The following RIC1 variants were observed in gnomAD, a reference collection of about 807,000 sequenced individuals.
RIC1 encodes the protein guanine nucleotide exchange factor subunit RIC1.
RIC1 carries 88 observed loss-of-function variants against 169.0 expected under a neutral mutation model. The ratio of observed to expected loss-of-function variants is 0.52; its 90% CI spans 0.44 to 0.62. The LOEUF (loss-of-function observed/expected upper bound fraction) is 0.62, where lower values mean the gene tolerates loss of function less well. Ranked by LOEUF, RIC1 falls within the 20% of genes least tolerant of loss-of-function variation. RIC1 has a pLI of 0.00. For missense variants in RIC1, 1,877 were observed against 1,725.5 expected (o/e 1.09, Z -1.56); for synonymous variants, 790 against 601.5 (o/e 1.31, Z -4.59).
intron 19 of RIC1, among the ~76,000 whole-genome samples, chr9:5,764,433 C>T (rs1338905761): frequency 6.6e-6 from 1 of 152,214 alleles, no homozygotes; most frequent in Non-Finnish European, 1.5e-5. Flanking sequence ...ATAATGGCTT[C>T]TTTGCAACTC....
At position 5,629,503 on chromosome 9, in the gene RIC1, GCGC is replaced by G; in HGVS notation, c.144+53_144+55del. On this transcript the variant is annotated intron_variant, in intron 1 of 25. Coordinates refer to ENST00000414202, the MANE Select transcript of RIC1 (RefSeq NM_020829.4). Reference sequence around the variant, plus strand: ...TCGCCGCTGCCTCCCCGGCCTCCCGGCGCCGTCCCACCCCCAACTTCCACCCAG... The same window carrying G: ...TCGCCGCTGCCTCCCCGGCCTCCCGGCGTCCCACCCCCAACTTCCACCCAG... 2.0e-6 allele frequency: 3 copies of G among 1,493,758 alleles called. No homozygotes were observed. The South Asian group carries it at 3.8e-5, about 19-fold the overall frequency. 92.5% of individuals were successfully genotyped at this position (1,493,758 alleles called of 1,614,324 possible).
At chr9:5,753,346 A>T in intron 13 of RIC1, 108 bp downstream of exon 13, 1 of 1,033,160 alleles carries the variant, frequency 9.7e-7, no homozygotes, top group Non-Finnish European at 1.5e-6. Context: ...AAAACTCTTG[A>T]TCTATTGTAA....
intron 1 of RIC1, among the ~76,000 whole-genome samples, chr9:5,635,409 T>C (rs1379795482): frequency 6.6e-6 from 1 of 152,210 alleles, no homozygotes; most frequent in Non-Finnish European, 1.5e-5. Flanking sequence ...TATCCAGTTT[T>C]TCTAACACTA....
downstream of RIC1, among the ~76,000 whole-genome samples, chr9:5,777,881 A>C (rs1827672909): frequency 6.6e-6 from 1 of 152,150 alleles, no homozygotes; most frequent in Non-Finnish European, 1.5e-5. Context: ...GCTTTGTAGG[A>C]AATTTTGAAA....
intron 6 of RIC1, among the ~76,000 whole-genome samples, chr9:5,725,573 A>T (rs1823919882): frequency 6.6e-6 from 1 of 151,718 alleles, no homozygotes; most frequent in South Asian, 2.1e-4. Context: ...TTCTGCTCTG[A>T]TCTTAGTTAT....
chr9:5,677,161 A>G (rs1017781554), intron 2 of RIC1, among the ~76,000 whole-genome samples: 2 of 152,096 alleles, frequency 1.3e-5, no homozygotes, highest in African/African-American at 4.8e-5. Context: ...GAGAATTTCT[A>G]TTTTCCTCTA....
At chr9:5,752,681 C>G (rs1313156743) in intron 12 of RIC1, among the ~76,000 whole-genome samples, 2 of 152,170 alleles carry the variant, frequency 1.3e-5, no homozygotes, top group Non-Finnish European at 2.9e-5. Flanking sequence ...GGTGATCCAC[C>G]TGCCTCGGCC....
At chr9:5,707,409 T>C (rs1054086480) in intron 3 of RIC1, among the ~76,000 whole-genome samples, 1 of 152,170 alleles carries the variant, frequency 6.6e-6, no homozygotes, top group African/African-American at 2.4e-5. Context: ...TATAGTGTTA[T>C]TTAACTTCTC....
At chr9:5,767,499 GACA>G (rs1396788965) in intron 21 of RIC1, among the ~76,000 whole-genome samples, 1 of 149,960 alleles carries the variant, frequency 6.7e-6, no homozygotes, top group Non-Finnish European at 1.5e-5. Context: ...TTTTCCCCAG[GACA>G]ACATGAACAT....
chr9:5,642,657 G>A (rs576327287), intron 1 of RIC1, among the ~76,000 whole-genome samples: 2 of 144,860 alleles, frequency 1.4e-5, no homozygotes. Context: ...AGGAGAATCT[G>A]CCTCTGTGGC....
At chr9:5,714,984 C>T (rs1283014349) in intron 4 of RIC1, among the ~76,000 whole-genome samples, 1 of 152,132 alleles carries the variant, frequency 6.6e-6, no homozygotes, top group Non-Finnish European at 1.5e-5. Context: ...GAGTACTGTA[C>T]AGAATGATAC....
intron 7 of RIC1, among the ~76,000 whole-genome samples, chr9:5,733,221 A>G (rs1257797243): frequency 2.0e-5 from 3 of 151,504 alleles, no homozygotes; most frequent in African/African-American, 7.3e-5. Context: ...TATCTAGTAT[A>G]GTCTCCAGCC....
At chr9:5,689,274 A>T (rs543083810) in intron 2 of RIC1, among the ~76,000 whole-genome samples, 1 of 151,714 alleles carries the variant, frequency 6.6e-6, no homozygotes, top group Non-Finnish European at 1.5e-5. Context: ...AATGGTCTTG[A>T]TCTCCTGACC....
At chr9:5,745,045 C>T (rs1038357888) in intron 10 of RIC1, among the ~76,000 whole-genome samples, 7 of 152,146 alleles carry the variant, frequency 4.6e-5, no homozygotes, top group African/African-American at 1.7e-4. Context: ...TCTTTGCCCA[C>T]CTCCATAGTT....
intron 2 of RIC1, among the ~76,000 whole-genome samples, chr9:5,659,689 G>A (rs1018419331): frequency 6.6e-6 from 1 of 152,106 alleles, no homozygotes; most frequent in African/African-American, 2.4e-5. Flanking sequence ...TTTCTGTAAG[G>A]AGTGTTTTCT....
intron 8 of RIC1, among the ~76,000 whole-genome samples, chr9:5,741,811 TTGTG>T (rs2130974760): frequency 6.6e-6 from 1 of 152,298 alleles, no homozygotes; most frequent in African/African-American, 2.4e-5. Context: ...TCTTGCTCGT[TTGTG>T]TGTGTATTTT....
At chr9:5,665,538 A>G (rs746119445) in intron 2 of RIC1, among the ~76,000 whole-genome samples, 2 of 152,092 alleles carry the variant, frequency 1.3e-5, no homozygotes, top group Non-Finnish European at 2.9e-5. Flanking sequence ...TTGAGTTTTT[A>G]GCATTTTTGC....
In RIC1 at chr9:5,633,846, A is replaced by G. The variant is rs546280363; in HGVS notation, c.144+4393A>G. The stretch of plus-strand genomic sequence containing the variant: ...CTGGGCCATGCATTAGGTCCCCAGA[A>G]CGTATTCATCTTATACCTGAAAATT... On this transcript the variant is annotated intron_variant, in intron 1 of 25. Coordinates refer to ENST00000414202, the MANE Select transcript of RIC1 (RefSeq NM_020829.4). Among the ~76,000 whole-genome samples the G allele has an allele frequency of 4.6e-5, 7 of 152,320 alleles. No individual in the cohort carries two copies. The South Asian group carries it at 1.4e-3, about 32-fold the overall frequency.
intron 3 of RIC1, among the ~76,000 whole-genome samples, chr9:5,710,701 C>T (rs1822878892): frequency 6.6e-6 from 1 of 152,060 alleles, no homozygotes; most frequent in Non-Finnish European, 1.5e-5. Flanking sequence ...GGAATGAAAA[C>T]AGTTTGAGGA....
Sources: gnomAD v4.1 joint callset for allele counts (sites outside exome capture counted in the v4.1 genomes callset) on GRCh38, gnomAD v4.1.1 for gene constraint, MANE v1.5 for transcripts, NCBI Gene and HGNC (gene_info 2026-07-23, HGNC 2026-07-21) for gene names.